CSGALNACT2: variants seen among roughly 807,000 people sequenced by gnomAD.
The protein encoded by CSGALNACT2 is chondroitin sulfate N-acetylgalactosaminyltransferase 2, also known as beta 4 GalNAcT-2.
In CSGALNACT2, 35 loss-of-function variants were observed where a neutral mutation model predicts 55.3. The ratio of observed to expected loss-of-function variants is 0.63; its 90% confidence interval spans 0.48 to 0.84. CSGALNACT2 has a LOEUF of 0.84. CSGALNACT2 is among the 40% of genes least tolerant of loss of function. The pLI is 0.00. For missense variants in CSGALNACT2, 544 were observed against 657.5 expected, an observed-to-expected ratio of 0.83 and a Z score of 1.89; for synonymous variants, 196 against 224.9, an observed-to-expected ratio of 0.87 and a Z score of 1.15.
intron 1 of CSGALNACT2, among the ~76,000 whole-genome samples, chr10:43,148,548 T>C (rs1838809262): frequency 6.6e-6 from 1 of 152,226 alleles, no homozygotes; most frequent in African/African-American, 2.4e-5. Context: ...TATTTAAATC[T>C]TAACTTTCTT....
intron 6 of CSGALNACT2, 68 bp from the exon 7 acceptor site, chr10:43,175,883 C>T (rs1839470361): frequency 7.4e-7 from 1 of 1,354,926 alleles, no homozygotes; most frequent in Non-Finnish European, 1.0e-6. Flanking sequence ...TAATTTGTTT[C>T]ATCGTTGATT....
intron 1 of CSGALNACT2, among the ~76,000 whole-genome samples, chr10:43,154,497 G>A (rs1417936289): frequency 6.6e-6 from 1 of 152,146 alleles, no homozygotes; most frequent in Non-Finnish European, 1.5e-5. Context: ...ACTTTGGGAG[G>A]CCAAGACAGG....
chr10:43,151,538 C>T (rs1372526674), intron 1 of CSGALNACT2, among the ~76,000 whole-genome samples: 2 of 152,108 alleles, frequency 1.3e-5, no homozygotes, highest in African/African-American at 4.8e-5. Flanking sequence ...GGTTCTGTGT[C>T]CTCTAATTTT....
In CSGALNACT2 at chr10:43,183,264, G is replaced by A. The variant is rs1256610801; in HGVS notation, c.1351G>A (p.Glu451Lys). The change falls in exon 8 of 8, where the codon GAA becomes AAA. Residue 451 changes from glutamate (E) to lysine (K), a missense_variant. Glu to Lys is a moderately conservative substitution (Grantham distance 56). Coordinates refer to ENST00000374466, the MANE Select transcript of CSGALNACT2 (RefSeq NM_018590.5). Reference protein sequence around the residue: ...DFLTIGGFDMEVKGWGGEDVH... With the variant: ...DFLTIGGFDMKVKGWGGEDVH... ...TGATCTTACAGGTGGATTTGACATG[G>A]AAGTGAAAGGTTGGGGTGGAGAAGA... 1 of 1,613,084 alleles carries A rather than the reference G, an allele frequency of 6.2e-7. No individual in the cohort carries two copies. Among genetic ancestry groups the A allele is most frequent in the South Asian group, 1.1e-5 (1 of 91,052 alleles).
At chr10:43,145,332 G>A (rs1430057028) in intron 1 of CSGALNACT2, among the ~76,000 whole-genome samples, 1 of 149,822 alleles carries the variant, frequency 6.7e-6, no homozygotes, top group African/African-American at 2.4e-5. Flanking sequence ...GCCTTGTTTA[G>A]TCCATCCTAT....
chr10:43,164,867 TGAG>T (rs1218911284), intron 5 of CSGALNACT2, among the ~76,000 whole-genome samples: 19 of 150,270 alleles, frequency 1.3e-4, no homozygotes, highest in Admixed American at 1.2e-3. Context: ...AAAAAATTAA[TGAG>T]AAGATGACAT....
chr10:43,153,415 A>G (rs1260946382), intron 1 of CSGALNACT2, among the ~76,000 whole-genome samples: 1 of 151,892 alleles, frequency 6.6e-6, no homozygotes, highest in African/African-American at 2.4e-5. Context: ...ATAATAAATG[A>G]CTAAGGAGAG....
chr10:43,163,662 G>C (rs1048834806), intron 4 of CSGALNACT2: 7 of 985,406 alleles, frequency 7.1e-6, no homozygotes, highest in Non-Finnish European at 8.4e-6. Context: ...CCACCAACAT[G>C]TGCCTCAAAT....
chr10:43,180,456 T>A (rs972177154), intron 7 of CSGALNACT2, among the ~76,000 whole-genome samples: 1 of 152,234 alleles, frequency 6.6e-6, no homozygotes, highest in African/African-American at 2.4e-5. Context: ...AGCATTTTTT[T>A]AAATTCCTTA....
intron 1 of CSGALNACT2, among the ~76,000 whole-genome samples, chr10:43,139,402 A>G (rs1309421135): frequency 6.6e-6 from 1 of 152,240 alleles, no homozygotes; most frequent in Non-Finnish European, 1.5e-5. Context: ...AAGAATGAAA[A>G]AAGATGGATT....
In CSGALNACT2 at chr10:43,155,417, A is replaced by G; in HGVS notation, c.268A>G (p.Ser90Gly). 1 of 1,614,240 alleles carries G rather than the reference A, an allele frequency of 6.2e-7. No homozygotes were observed. Among genetic ancestry groups the G allele is most frequent in the East Asian group, 2.2e-5 (1 of 44,894 alleles). The stretch of plus-strand genomic sequence containing the variant: ...ACTAAAACAAGAATTACAAGAAATG[A>G]GTGAGAAGATGCGGTCACTGCAAGA... ...AQLKQELQEM[S>G]EKMRSLQERR... The change falls in exon 2 of 8, where the codon AGT becomes GGT. Residue 90 changes from serine (S) to glycine (G), a missense_variant. Coordinates refer to ENST00000374466, the MANE Select transcript of CSGALNACT2 (RefSeq NM_018590.5).
Position 43,183,812 on chromosome 10 carries a change from C to G in CSGALNACT2, c.*270C>G, listed in dbSNP as rs895647700. 5 of 449,532 alleles carry G rather than the reference C, an allele frequency of 1.1e-5. No homozygotes were observed. Among genetic ancestry groups the G allele is most frequent in the Non-Finnish European group, 2.0e-5 (5 of 243,966 alleles). The allele number at this position is 449,532 out of a possible 1,614,324, so 27.8% of individuals were successfully genotyped here. A position where few individuals can be genotyped will look rare whatever the true frequency, so the allele number is the denominator to read the frequency against. ...AAAAGTTGTTTTGAGTTAGTTCTAC[C>G]TGGTGCCCATGTTCTGATTGTGTGT... On this transcript the variant is annotated 3_prime_UTR_variant, in exon 8 of 8. Transcript: ENST00000374466.
intron 1 of CSGALNACT2, among the ~76,000 whole-genome samples, chr10:43,152,776 T>A (rs1588896020): frequency 6.6e-6 from 1 of 152,326 alleles, no homozygotes; most frequent in East Asian, 1.9e-4. Flanking sequence ...AATTAAAGTA[T>A]GTATATCTTT....
intron 6 of CSGALNACT2, among the ~76,000 whole-genome samples, chr10:43,171,886 A>G (rs1839389584): frequency 6.6e-6 from 1 of 152,250 alleles, no homozygotes; most frequent in Non-Finnish European, 1.5e-5. Context: ...TAAGAAGGAA[A>G]AAAATGGGTA....
intron 6 of CSGALNACT2, among the ~76,000 whole-genome samples, chr10:43,169,051 G>A (rs950385295): frequency 6.6e-6 from 1 of 152,224 alleles, no homozygotes; most frequent in Middle Eastern, 3.2e-3. Context: ...CTGAGAAGCA[G>A]GCATCACAGG....
chr10:43,181,620 T>C (rs1210419959), intron 7 of CSGALNACT2, among the ~76,000 whole-genome samples: 1 of 151,584 alleles, frequency 6.6e-6, no homozygotes, highest in East Asian at 1.9e-4. Flanking sequence ...GGGATAGAAT[T>C]ATTTGACAGG....
intron 6 of CSGALNACT2, among the ~76,000 whole-genome samples, chr10:43,174,259 G>C (rs973444622): frequency 3.3e-5 from 5 of 151,826 alleles, no homozygotes; most frequent in Non-Finnish European, 5.9e-5. Context: ...GCTCCAATCT[G>C]AGCTGAGCCC....
intron 1 of CSGALNACT2, among the ~76,000 whole-genome samples, chr10:43,148,495 G>T (rs1053296979): frequency 3.2e-4 from 48 of 152,262 alleles, no homozygotes; most frequent in African/African-American, 1.1e-3. Flanking sequence ...TACCATTTTA[G>T]CAATATTAAG....
At chr10:43,181,333 C>G (rs1036411865) in intron 7 of CSGALNACT2, among the ~76,000 whole-genome samples, 2 of 152,218 alleles carry the variant, frequency 1.3e-5, no homozygotes, top group Non-Finnish European at 2.9e-5. Flanking sequence ...CCTCACTTCT[C>G]TGTGAGAGAC....
Sources: allele counts gnomAD v4.1 joint callset (sites outside exome capture counted in the v4.1 genomes callset), GRCh38; gene constraint gnomAD v4.1.1; transcripts MANE v1.5; gene names NCBI Gene and HGNC (gene_info 2026-07-23, HGNC 2026-07-21).